URGCP: variants seen among roughly 807,000 people sequenced by gnomAD.
URGCP encodes upregulator of cell proliferation.
A neutral mutation model predicts 24.6 loss-of-function variants in URGCP; 13 were observed. The ratio of observed to expected loss-of-function variants is 0.53; its 90% CI spans 0.34 to 0.84. The LOEUF is 0.84. Ranked by LOEUF, URGCP falls within the 40% of genes least tolerant of loss-of-function variation. The pLI, the probability that URGCP is intolerant of heterozygous loss-of-function variation, is 0.01. For synonymous variants in URGCP, 444 were observed against 487.2 expected (o/e 0.91, Z 1.17); for missense variants, 899 against 1,194.3 (o/e 0.75, Z 3.64).
chr7:43,881,201 A>C (rs894279845), intron 5 of URGCP: 1 of 702,864 alleles, frequency 1.4e-6, no homozygotes, highest in Non-Finnish European at 2.6e-6. Flanking sequence ...AATGGGAAAA[A>C]GACAAAGAAA....
chr7:43,878,889 G>A lies in URGCP; in HGVS notation c.574C>T (p.Leu192Phe). 6.2e-7 allele frequency: 1 copy of A among 1,614,252 alleles called. No individual in the cohort carries two copies. The highest frequency in any genetic ancestry group is 8.5e-7 in the Non-Finnish European group (1 of 1,180,040). ...TGTTGCAGGAAACTGTCTGAGGAGA[G>A]CAGCAGGGCACAGAGAAGGTCTAAG... ...NPLDLLCALL[L>F]SSDSFLQQEI... Residue 192 changes from leucine (L) to phenylalanine (F), a missense_variant, in exon 6 of 6, where the codon CTC becomes TTC. By Grantham distance (22) the Leu-to-Phe change is conservative. Transcript: ENST00000453200. This position sits in a 1 kb window ranked among gnomAD's most constrained non-coding sequence, Gnocchi z 5.6.
chr7:43,912,875 G>A (rs1333184128), intron 1 of URGCP, among the ~76,000 whole-genome samples: 1 of 151,434 alleles, frequency 6.6e-6, no homozygotes, highest in Non-Finnish European at 1.5e-5. Context: ...TTTTGAGACA[G>A]AGTCTCACTC....
intron 1 of URGCP, among the ~76,000 whole-genome samples, chr7:43,894,724 G>C (rs2095875866): frequency 6.6e-6 from 1 of 152,034 alleles, no homozygotes; most frequent in Non-Finnish European, 1.5e-5. Flanking sequence ...AATAAAACTA[G>C]AAATCAATAA....
chr7:43,889,097 T>A (rs369889288), intron 1 of URGCP: 9 of 152,102 alleles, frequency 5.9e-5, no homozygotes, highest in African/African-American at 2.2e-4. Flanking sequence ...AATTAGTGAG[T>A]CCACATGGAT....
Position 43,878,438 on chromosome 7 carries a change from C to T in URGCP, c.1025G>A (p.Gly342Glu), listed in dbSNP as rs763527082. ...GAGCTTAAACTGCAGCCAGTGAGAC[C>T]CGATGTCACCTCTCAGGTTCAGAAA... The part of the protein sequence containing the change: ...VAFLNLRGDI[G>E]SHWLQFKLLT... The change falls in exon 6 of 6, where the codon GGG becomes GAG. Residue 342 changes from glycine (G) to glutamate (E), a missense_variant. Coordinates refer to ENST00000453200, the MANE Select transcript of URGCP (RefSeq NM_001077663.3). The surrounding 1 kb of genome is among the most constrained non-coding windows in gnomAD (Gnocchi z 5.6). 14 of 1,613,996 alleles carry T rather than the reference C, an allele frequency of 8.7e-6. No homozygotes were observed. The Admixed American group carries it at 1.5e-4, about 17-fold the overall frequency.
upstream of URGCP, among the ~76,000 whole-genome samples, chr7:43,907,464 C>A (rs1235606980): frequency 1.3e-5 from 2 of 151,968 alleles, no homozygotes; most frequent in African/African-American, 4.8e-5. Flanking sequence ...GAGATGACCC[C>A]CTGCCCGCCC....
chr7:43,878,097 G>T lies in URGCP; in HGVS notation c.1366C>A (p.Arg456Ser). 1 of 1,614,194 alleles carries T rather than the reference G, an allele frequency of 6.2e-7. No homozygotes were observed. The highest frequency in any genetic ancestry group is 8.5e-7 in the Non-Finnish European group (1 of 1,180,040). ...TCGTCGACCTTTAGGCCCAGTTTGC[G>T]GGCTGCGTGCGCCATGTCCTCCACA... Reference protein sequence around the residue: ...VSVEDMAHAARKLGLKVDEDC... With the variant: ...VSVEDMAHAASKLGLKVDEDC... Residue 456 changes from arginine to serine, a missense_variant, in exon 6 of 6, where the codon CGC becomes AGC. Transcript: ENST00000453200. This position sits in a 1 kb window ranked among gnomAD's most constrained non-coding sequence, Gnocchi z 5.6.
intron 5 of URGCP, chr7:43,879,738 A>C (rs1013814806): frequency 6.5e-6 from 1 of 154,464 alleles, no homozygotes; most frequent in Admixed American, 6.5e-5. Flanking sequence ...ATAATCACTG[A>C]ATCACTCTCT....
At chr7:43,906,535 G>A (rs1446709076) in intron 1 of URGCP, 27 bp downstream of exon 1, 17 of 1,221,486 alleles carry the variant, frequency 1.4e-5, no homozygotes, top group Non-Finnish European at 1.7e-5. Context: ...AGCCGCGGGG[G>A]CGCAGGGCCT....
At chr7:43,894,697 T>C (rs1241116301) in intron 1 of URGCP, among the ~76,000 whole-genome samples, 1 of 152,096 alleles carries the variant, frequency 6.6e-6, no homozygotes, top group African/African-American at 2.4e-5. Context: ...ATCAAGTGTC[T>C]TCTTAGATCA....
intron 1 of URGCP, among the ~76,000 whole-genome samples, chr7:43,915,307 C>CA (rs142555158): frequency 0.017 from 2,557 of 152,050 alleles, 72 homozygotes; most frequent in African/African-American, 0.058. Context: ...AAATGCACAC[C>CA]AAAAAAATCT....
chr7:43,898,657 C>T (rs1163345989), intron 1 of URGCP, among the ~76,000 whole-genome samples: 1 of 151,948 alleles, frequency 6.6e-6, no homozygotes, highest in Non-Finnish European at 1.5e-5. Context: ...TCCAGTTATT[C>T]AGGAGGCTGA....
intron 1 of URGCP, among the ~76,000 whole-genome samples, chr7:43,924,229 G>A (rs532335637): frequency 6.6e-6 from 1 of 152,232 alleles, no homozygotes; most frequent in South Asian, 2.1e-4. Flanking sequence ...TGTTAAAAAT[G>A]AAACATTACA....
intron 3 of URGCP, among the ~76,000 whole-genome samples, chr7:43,885,911 T>C (rs2095861415): frequency 6.6e-6 from 1 of 152,238 alleles, no homozygotes. Context: ...GTGGCTACTG[T>C]GTTGAATAGC....
intron 1 of URGCP, among the ~76,000 whole-genome samples, chr7:43,921,733 G>T (rs1333821901): frequency 6.6e-6 from 1 of 152,192 alleles, no homozygotes; most frequent in Non-Finnish European, 1.5e-5. Flanking sequence ...TTTGTCTAGG[G>T]TTAAAGGATT....
At position 43,881,670 on chromosome 7, in the gene URGCP, T is replaced by G. The variant is rs758676136; in HGVS notation, c.191A>C (p.Asp64Ala). 1 of 1,613,986 alleles carries G rather than the reference T, an allele frequency of 6.2e-7. No individual in the cohort carries two copies. Among genetic ancestry groups the G allele is most frequent in the South Asian group, 1.1e-5 (1 of 91,060 alleles). ...GDGTNEAQDN[D>A]FPTVERSRLQ... Reference sequence around the variant, plus strand: ...GAGAAAATGCTTACCTGTTGGAAAATCATTGTCCTGAGCCTCATTTGTACC... The same window carrying G: ...GAGAAAATGCTTACCTGTTGGAAAAGCATTGTCCTGAGCCTCATTTGTACC... Residue 64 changes from aspartate (D) to alanine (A), a missense_variant, in exon 5 of 6, where the codon GAT becomes GCT. Transcript: ENST00000453200.
At chr7:43,880,295 G>A (rs1019621751) in intron 5 of URGCP, among the ~76,000 whole-genome samples, 2 of 152,146 alleles carry the variant, frequency 1.3e-5, no homozygotes, top group African/African-American at 2.4e-5. Context: ...ACTTACTTGC[G>A]CAGATACTCA....
intron 2 of URGCP, 40 bp from the exon 3 acceptor site, chr7:43,887,525 G>GGGCCGGGCGCGGTGGCTCACGCCTGT (rs758111020): frequency 6.2e-7 from 1 of 1,607,188 alleles, no homozygotes; most frequent in Non-Finnish European, 8.5e-7. Context: ...TAAAAAAATG[G>GGGCCGGGCGCGGTGGCTCACGCCTGT]AATACCACTT....
intron 1 of URGCP, among the ~76,000 whole-genome samples, chr7:43,914,076 G>C (rs1053743019): frequency 6.6e-6 from 1 of 152,170 alleles, no homozygotes; most frequent in African/African-American, 2.4e-5. Context: ...ATTAGCTCAA[G>C]CTGATTTCTT....
Sources: allele counts gnomAD v4.1 joint callset (sites outside exome capture counted in the v4.1 genomes callset), GRCh38; gene constraint gnomAD v4.1.1; non-coding constraint Gnocchi (gnomAD v3.1); transcripts MANE v1.5; gene names NCBI Gene and HGNC (gene_info 2026-07-23, HGNC 2026-07-21).